Variants in DNASE1L3 observed in about 807,000 individuals in gnomAD.
DNASE1L3 encodes the protein deoxyribonuclease 1L3, also known as deoxyribonuclease gamma.
Under a neutral mutation model 30.9 loss-of-function variants are expected in DNASE1L3, and 27 were observed. The ratio of observed to expected loss-of-function variants is 0.87; its 90% CI spans 0.64 to 1.20. The LOEUF (loss-of-function observed/expected upper bound fraction) is 1.20. Ranked by LOEUF, DNASE1L3 falls within the 50% of genes most tolerant of loss-of-function variation. The pLI, the probability that DNASE1L3 is intolerant of heterozygous loss-of-function variation, is 0.00. For synonymous variants in DNASE1L3, 135 were observed against 138.0 expected (o/e 0.98, Z 0.15); for missense variants, 364 against 378.2 (o/e 0.96, Z 0.31).
At chr3:58,202,946 G>A (rs569295521) in intron 4 of DNASE1L3, among the ~76,000 whole-genome samples, 12 of 152,212 alleles carry the variant, frequency 7.9e-5, no homozygotes, top group African/African-American at 1.9e-4. Flanking sequence ...TGGTCTTCAC[G>A]AAAGACTTTT....
chr3:58,208,112 C>T, intron 2 of DNASE1L3, 106 bp downstream of exon 2: 1 of 1,084,290 alleles, frequency 9.2e-7, no homozygotes, highest in South Asian at 1.4e-5. Context: ...GCTGTGTGAA[C>T]TGGTGGTCAA....
chr3:58,204,653 A>G, intron 4 of DNASE1L3, 116 bp downstream of exon 4: 1 of 769,018 alleles, frequency 1.3e-6, no homozygotes, highest in Admixed American at 2.6e-5. Context: ...AAGTATTAGA[A>G]GCAATGCACT....
At chr3:58,198,041 A>C (rs1415018337) in intron 5 of DNASE1L3, 63 bp from the exon 6 acceptor site, 1 of 1,535,802 alleles carries the variant, frequency 6.5e-7, no homozygotes, top group African/African-American at 1.4e-5. Flanking sequence ...TTCACACTGG[A>C]CTCTAGCAAA....
At chr3:58,205,598 A>T in intron 2 of DNASE1L3, 38 bp from the exon 3 acceptor site, 1 of 1,534,974 alleles carries the variant, frequency 6.5e-7, no homozygotes, top group Non-Finnish European at 9.0e-7. Context: ...CTTGAAGAGT[A>T]AACATTCCCC....
intron 6 of DNASE1L3, among the ~76,000 whole-genome samples, chr3:58,194,048 A>T (rs962073553): frequency 6.6e-6 from 1 of 152,212 alleles, no homozygotes; most frequent in Non-Finnish European, 1.5e-5. Flanking sequence ...AAATTAAGCG[A>T]TTTAATGGAA....
At chr3:58,204,436 C>A (rs770403374) in intron 4 of DNASE1L3, among the ~76,000 whole-genome samples, 3 of 152,118 alleles carry the variant, frequency 2.0e-5, no homozygotes, top group Non-Finnish European at 4.4e-5. Flanking sequence ...CCACCGCACC[C>A]AGCCAGGATT....
Position 58,197,821 on chromosome 3 carries a change from C to T in DNASE1L3, c.704G>A (p.Arg235Lys), listed in dbSNP as rs777148429. The change falls in exon 6 of 8, where the codon AGG (arginine) becomes AAG (lysine). Residue 235 changes from arginine to lysine, a missense_variant and splice_region_variant. Transcript: ENST00000394549. This position sits in a 1 kb window ranked among gnomAD's most constrained non-coding sequence, Gnocchi z 5.3. ...VKKSTNCAYD[R>K]IVLRGQEIVS... ...AGCAGCACCCTGCAGGGCCTCCTAC[C>T]TGTCATATGCACAGTTGGTGCTCTT... is the stretch of plus-strand genomic sequence containing the variant. 6 of 1,613,682 alleles carry T rather than the reference C, an allele frequency of 3.7e-6. No homozygotes were observed. In the African/African-American group the frequency reaches 6.7e-5, roughly 18 times the overall value.
At chr3:58,193,233 T>C in intron 7 of DNASE1L3, 110 bp downstream of exon 7, 1 of 1,465,568 alleles carries the variant, frequency 6.8e-7, no homozygotes. Context: ...TGCATCACCA[T>C]GCCCAGCTAA....
chr3:58,199,975 C>T (rs1236603704), intron 5 of DNASE1L3, among the ~76,000 whole-genome samples: 3 of 152,166 alleles, frequency 2.0e-5, no homozygotes, highest in Non-Finnish European at 4.4e-5. Flanking sequence ...AGGGGGATCA[C>T]AGGAGTCACA....
intron 3 of DNASE1L3, 124 bp downstream of exon 3, chr3:58,205,347 T>C: frequency 1.1e-6 from 1 of 876,612 alleles, no homozygotes; most frequent in South Asian, 1.4e-5. Flanking sequence ...TTGACAGCAA[T>C]TATTTTGATG....
intron 5 of DNASE1L3, among the ~76,000 whole-genome samples, chr3:58,199,873 C>A (rs1326853786): frequency 6.6e-6 from 1 of 152,040 alleles, no homozygotes; most frequent in Non-Finnish European, 1.5e-5. Flanking sequence ...TGAAATACAC[C>A]CCTGGTCTTT....
At chr3:58,198,865 C>G (rs1250091919) in intron 5 of DNASE1L3, among the ~76,000 whole-genome samples, 1 of 152,090 alleles carries the variant, frequency 6.6e-6, no homozygotes, top group Non-Finnish European at 1.5e-5. Context: ...AAATTCAGTC[C>G]CTTGAGGAGG....
At chr3:58,196,881 C>G (rs1575495999) in intron 6 of DNASE1L3, among the ~76,000 whole-genome samples, 1 of 152,328 alleles carries the variant, frequency 6.6e-6, no homozygotes, top group East Asian at 1.9e-4. Context: ...GAATATGTAG[C>G]TAAAGCTTTA....
intron 2 of DNASE1L3, among the ~76,000 whole-genome samples, chr3:58,207,574 T>C (rs1246704343): frequency 6.6e-6 from 1 of 152,086 alleles, no homozygotes; most frequent in Non-Finnish European, 1.5e-5. Flanking sequence ...TGGGCTATTT[T>C]ACCTGCAATT....
At chr3:58,198,334 C>T (rs1404656367) in intron 5 of DNASE1L3, among the ~76,000 whole-genome samples, 7 of 152,234 alleles carry the variant, frequency 4.6e-5, no homozygotes, top group Admixed American at 3.3e-4. Context: ...AGAAGATGGC[C>T]GTCTACAAAC....
intron 1 of DNASE1L3, 101 bp downstream of exon 1, chr3:58,210,665 C>T: frequency 6.4e-7 from 1 of 1,566,394 alleles, no homozygotes; most frequent in African/African-American, 1.3e-5. Context: ...CTACATTCCC[C>T]CTAAGGGCCA....
chr3:58,192,639 C>G lies in DNASE1L3; in HGVS notation c.*48G>C. The G allele has an allele frequency of 6.4e-7, 1 of 1,565,224 alleles. No individual in the cohort carries two copies. The highest frequency in any genetic ancestry group is 8.7e-7 in the Non-Finnish European group (1 of 1,146,126). On this transcript the variant is annotated 3_prime_UTR_variant, in exon 8 of 8. Transcript: ENST00000394549. The surrounding 1 kb of genome is among the most constrained non-coding windows in gnomAD (Gnocchi z 4.8). ...GGGAGCAGTTCATATCTGTTAGAGA[C>G]ATTTTATTTAGAGGCAAGAAATGGT...
At position 58,197,899 on chromosome 3, in the gene DNASE1L3, G is replaced by A. The variant is rs147210152; in HGVS notation, c.626C>T (p.Thr209Ile). Residue 209 changes from threonine to isoleucine, a missense_variant, in exon 6 of 8, where the codon ACT (threonine) becomes ATT (isoleucine). Physicochemically the swap from Thr to Ile is moderately conservative, Grantham distance 89. Coordinates refer to ENST00000394549, the MANE Select transcript of DNASE1L3 (RefSeq NM_004944.4). The surrounding 1 kb of genome is among the most constrained non-coding windows in gnomAD (Gnocchi z 5.3). ...KKAWKNIRLRTDPRFVWLIGD... is the reference protein window; with the variant it reads ...KKAWKNIRLRIDPRFVWLIGD... ...GATCAGCCAAACAAACCTGGGGTCAGTCCTCAAGCGGATGTTCTTCCAGGC... is the reference window on the plus strand; with the variant it reads ...GATCAGCCAAACAAACCTGGGGTCAATCCTCAAGCGGATGTTCTTCCAGGC... 10 of 1,614,102 alleles carry A rather than the reference G, an allele frequency of 6.2e-6. No individual in the cohort carries two copies. The highest frequency in any genetic ancestry group is 8.5e-6 in the Non-Finnish European group (10 of 1,180,036).
At position 58,197,895 on chromosome 3, in the gene DNASE1L3, G is replaced by T. The variant is rs1302332204; in HGVS notation, c.630C>A (p.Asp210Glu). ...KAWKNIRLRT[D>E]PRFVWLIGDQ... ...CCCCGATCAGCCAAACAAACCTGGG[G>T]TCAGTCCTCAAGCGGATGTTCTTCC... The change falls in exon 6 of 8, where the codon GAC becomes GAA. Residue 210 changes from aspartate to glutamate, a missense_variant. Transcript: ENST00000394549. This position sits in a 1 kb window ranked among gnomAD's most constrained non-coding sequence, Gnocchi z 5.3. The T allele has an allele frequency of 6.2e-7, 1 of 1,614,216 alleles. No homozygotes were observed. Among genetic ancestry groups the T allele is most frequent in the Non-Finnish European group, 8.5e-7 (1 of 1,180,046 alleles).
Sources: allele counts gnomAD v4.1 joint callset (sites outside exome capture counted in the v4.1 genomes callset), GRCh38; gene constraint gnomAD v4.1.1; non-coding constraint Gnocchi (gnomAD v3.1); transcripts MANE v1.5; gene names NCBI Gene and HGNC (gene_info 2026-07-23, HGNC 2026-07-21).